Variants in OSBPL8 observed in about 807,000 individuals in gnomAD.
The protein encoded by OSBPL8 is oxysterol binding protein like 8, also known as oxysterol-binding protein-related protein 8.
Under a neutral mutation model 125.5 loss-of-function variants are expected in OSBPL8, and 59 were observed. The ratio of observed to expected loss-of-function variants is 0.47; its 90% CI spans 0.38 to 0.58. The LOEUF is 0.58. Ranked by LOEUF, OSBPL8 falls within the 20% of genes least tolerant of loss-of-function variation. The pLI is 0.00. For synonymous variants in OSBPL8, 330 were observed against 338.9 expected, an observed-to-expected ratio of 0.97 and a Z score of 0.29; for missense variants, 758 against 1,047.8, an observed-to-expected ratio of 0.72 and a Z score of 3.82.
chr12:76,418,816 G>C (rs1348047341), intron 4 of OSBPL8, among the ~76,000 whole-genome samples: 1 of 152,122 alleles, frequency 6.6e-6, no homozygotes, highest in Non-Finnish European at 1.5e-5. Context: ...CTGGGCGACA[G>C]AGTGAGACTC....
chr12:76,492,559 T>C (rs1878831456), intron 1 of OSBPL8, among the ~76,000 whole-genome samples: 1 of 152,172 alleles, frequency 6.6e-6, no homozygotes. Flanking sequence ...CCCCATAATT[T>C]GCATTACCAC....
At chr12:76,404,946 T>C (rs936392064) in intron 5 of OSBPL8, among the ~76,000 whole-genome samples, 4 of 152,134 alleles carry the variant, frequency 2.6e-5, no homozygotes, top group East Asian at 1.9e-4. Context: ...AAAGCAAACT[T>C]AGGAGATAGT....
intron 1 of OSBPL8, among the ~76,000 whole-genome samples, chr12:76,490,213 CA>C (rs1443410238): frequency 5.8e-4 from 88 of 152,318 alleles, no homozygotes; most frequent in African/African-American, 2.0e-3. Flanking sequence ...TTGACAGGGA[CA>C]GGGGACAGAG....
chr12:76,452,196 TATC>T (rs1486613636), intron 3 of OSBPL8, among the ~76,000 whole-genome samples: 1 of 152,224 alleles, frequency 6.6e-6, no homozygotes, highest in Admixed American at 6.5e-5. Context: ...TTCACCTTTT[TATC>T]ATCATGTCCT....
rs1468418322 is a variant in OSBPL8, at chr12:76,437,047, T to C, written c.217+13804A>G. 2.6e-5 allele frequency among the ~76,000 whole-genome samples: 4 copies of C among 152,208 alleles called. No homozygotes were observed. In the East Asian group the frequency reaches 5.8e-4, roughly 22 times the overall value. ...TGTATGGTACTCTATTGTATGAATA[T>C]ATTGTAATATTTATTCATTCCACTC... On this transcript the variant is annotated intron_variant, in intron 4 of 23. Transcript: ENST00000261183.
rs1244483060 is a variant in OSBPL8 at position 76,450,973 on chromosome 12, C to T, written c.95G>A (p.Ser32Asn). 6.2e-7 allele frequency: 1 copy of T among 1,613,416 alleles called. No individual in the cohort carries two copies. Among genetic ancestry groups the T allele is most frequent in the Admixed American group, 1.7e-5 (1 of 59,886 alleles). Residue 32 changes from serine (S) to asparagine (N), a missense_variant, in exon 4 of 24, where the codon AGT (serine) becomes AAT (asparagine). Ser to Asn is a conservative substitution (Grantham distance 46). Around this residue, in one of 3 missense-constraint regions of OSBPL8, gnomAD observed 117 missense variants for 137.1 expected, o/e 0.85. Coordinates refer to ENST00000261183, the MANE Select transcript of OSBPL8 (RefSeq NM_020841.5). ...VLGPSTVVANSDESQLLTPGK... is the reference protein window; with the variant it reads ...VLGPSTVVANNDESQLLTPGK... ...TGGTGTCAGAAGCTGAGATTCGTCA[C>T]TGTTTGCTACAACAGCTCAAGGAAA...
chr12:76,389,953 A>T (rs1953488294), intron 11 of OSBPL8, 124 bp from the exon 12 acceptor site: 1 of 691,072 alleles, frequency 1.4e-6, no homozygotes, highest in African/African-American at 1.9e-5. Flanking sequence ...TTAAATGTGG[A>T]AACAAAAAAT....
chr12:76,392,446 G>GT (rs1459755395), intron 10 of OSBPL8, 135 bp downstream of exon 10: 1 of 707,934 alleles, frequency 1.4e-6, no homozygotes, highest in East Asian at 2.7e-5. Context: ...TTTTAAGCCG[G>GT]TTCCTAGGCC....
chr12:76,371,689 T>A, intron 18 of OSBPL8, 105 bp from the exon 19 acceptor site: 3 of 1,050,434 alleles, frequency 2.9e-6, no homozygotes, highest in Non-Finnish European at 3.7e-6. Flanking sequence ...AATCCTCCAG[T>A]TAAAAGCATT....
chr12:76,506,123 G>A (rs1278310331), intron 1 of OSBPL8, among the ~76,000 whole-genome samples: 2 of 152,176 alleles, frequency 1.3e-5, no homozygotes, highest in African/African-American at 4.8e-5. Flanking sequence ...GATATAAGGT[G>A]TAAATTTTTT....
chr12:76,353,281 A>T lies in OSBPL8; in HGVS notation c.*2608T>A, dbSNP rs1244060897. The T allele has an allele frequency of 6.9e-6, 1 of 144,356 alleles. No homozygotes were observed. Among genetic ancestry groups the T allele is most frequent in the African/African-American group, 2.5e-5 (1 of 39,666 alleles). 8.9% of individuals were successfully genotyped at this position (144,356 alleles called of 1,614,324 possible). ...CTATTGCTGTAACTTAACATTTCAC[A>T]TGCCCTATTTATTGTTGTTGTTTTT... On this transcript the variant is annotated 3_prime_UTR_variant, in exon 24 of 24. Transcript: ENST00000261183.
chr12:76,469,080 C>T (rs1257026919), intron 2 of OSBPL8, among the ~76,000 whole-genome samples: 3 of 152,172 alleles, frequency 2.0e-5, no homozygotes, highest in South Asian at 2.1e-4. Context: ...TTTCTGAAAA[C>T]TCTGTCCTCT....
rs1409185175 is a variant in OSBPL8 at position 76,555,981 on chromosome 12, A to G, written c.-68+3416T>C. ...ACCCCCTTAGACACTGCTTATCTTC[A>G]GACACACAGCCCACACCAAAACCTA... On this transcript the variant is annotated intron_variant, in intron 1 of 23. Coordinates refer to ENST00000261183, the MANE Select transcript of OSBPL8 (RefSeq NM_020841.5). Among the ~76,000 whole-genome samples, 3 of 152,186 alleles carry G rather than the reference A, an allele frequency of 2.0e-5. No individual in the cohort carries two copies. In the East Asian group the frequency reaches 5.8e-4, roughly 29 times the overall value.
At chr12:76,542,154 A>C (rs1180480886) in intron 1 of OSBPL8, among the ~76,000 whole-genome samples, 1 of 152,192 alleles carries the variant, frequency 6.6e-6, no homozygotes, top group Admixed American at 6.5e-5. Flanking sequence ...CTGGGAAACA[A>C]GAGCGAAACT....
chr12:76,495,174 C>G (rs1347765071), intron 1 of OSBPL8, among the ~76,000 whole-genome samples: 2 of 152,158 alleles, frequency 1.3e-5, no homozygotes, highest in African/African-American at 4.8e-5. Context: ...AAGGTCATTA[C>G]TAGTATTACC....
Position 76,355,913 on chromosome 12 carries a change from G to A in OSBPL8, c.2646C>T (p.Val882=), listed in dbSNP as rs140612252. The stretch of plus-strand genomic sequence containing the variant: ...TCTACTTGAACATGAAGTTTATTAT[G>A]ACTTGAAGCAAAATCAGGAGGAAAA... The part of the protein sequence containing the change: ...FIIFLLILLQ[V]IINFMFK The change falls in exon 24 of 24, where the codon GTC becomes GTT. Residue 882 remains valine, a synonymous_variant. Coordinates refer to ENST00000261183, the MANE Select transcript of OSBPL8 (RefSeq NM_020841.5). 12 of 1,613,460 alleles carry A rather than the reference G, an allele frequency of 7.4e-6. No homozygotes were observed. The highest frequency in any genetic ancestry group is 1.0e-5 in the Non-Finnish European group (12 of 1,179,624).
intron 1 of OSBPL8, among the ~76,000 whole-genome samples, chr12:76,506,570 T>C (rs189901016): frequency 2.0e-5 from 3 of 152,306 alleles, no homozygotes; most frequent in Admixed American, 1.3e-4. Context: ...TTACTCTATA[T>C]ATCTATGTAA....
At chr12:76,557,857 G>A (rs1237454994) in intron 1 of OSBPL8, among the ~76,000 whole-genome samples, 2 of 152,022 alleles carry the variant, frequency 1.3e-5, no homozygotes, top group Admixed American at 6.6e-5. Flanking sequence ...AACATTCTAA[G>A]GAAAATACAG....
intron 2 of OSBPL8, among the ~76,000 whole-genome samples, chr12:76,482,448 T>C (rs370931596): frequency 1.3e-5 from 2 of 152,146 alleles, no homozygotes; most frequent in East Asian, 3.9e-4. Flanking sequence ...ACCCCGTCTC[T>C]ACTAAAAATA....
Sources: gnomAD v4.1 joint callset for allele counts (sites outside exome capture counted in the v4.1 genomes callset) on GRCh38, gnomAD v4.1.1 for gene constraint, gnomAD v4.1.1 regional missense constraint, MANE v1.5 for transcripts, NCBI Gene and HGNC (gene_info 2026-07-23, HGNC 2026-07-21) for gene names.